The following MAP9 variants were observed in gnomAD, a reference collection of about 807,000 sequenced individuals.
MAP9 encodes microtubule associated protein 9, also known as microtubule-associated protein 9.
MAP9 carries 80 observed loss-of-function variants against 75.2 expected under a neutral mutation model. That is an observed-to-expected ratio of 1.06 (90% CI 0.89 to 1.28). MAP9 has a LOEUF of 1.28. MAP9 is among the 50% of genes most tolerant of loss of function. MAP9 has a pLI of 0.00. For synonymous variants in MAP9, 235 were observed against 237.3 expected (o/e 0.99, Z 0.09); for missense variants, 753 against 719.9 (o/e 1.05, Z -0.53).
At position 155,355,720 on chromosome 4, in the gene MAP9, T is replaced by TA. The variant is rs1423051868; in HGVS notation, c.1285dup (p.Tyr429LeufsTer14). On this transcript the variant is annotated frameshift_variant, in exon 9 of 14. Transcript: ENST00000311277. LOFTEE classifies it high-confidence loss of function. ...AAAAATATTTTCCTTTTTTACCTGA[T>TA]AAACAGCTGCCCTTATGTTATCTGC... 1.2e-6 allele frequency: 2 copies of TA among 1,603,486 alleles called. No individual in the cohort carries two copies. Among genetic ancestry groups the TA allele is most frequent in the Non-Finnish European group, 1.7e-6 (2 of 1,177,152 alleles).
chr4:155,355,215 A>G (rs1417394330), intron 9 of MAP9, 55 bp from the exon 10 acceptor site: 1 of 551,392 alleles, frequency 1.8e-6, no homozygotes, highest in African/African-American at 2.0e-5. Context: ...AGTGAATTAG[A>G]ATTCTTTATA....
chr4:155,365,942 C>T (rs945960568), intron 5 of MAP9, among the ~76,000 whole-genome samples: 3 of 151,708 alleles, frequency 2.0e-5, no homozygotes, highest in Admixed American at 6.6e-5. Context: ...ATCAAAAAAT[C>T]GGGGCCACTA....
chr4:155,369,233 G>C (rs999109876), intron 4 of MAP9, among the ~76,000 whole-genome samples: 2 of 151,334 alleles, frequency 1.3e-5, no homozygotes, highest in African/African-American at 4.9e-5. Flanking sequence ...TGAGGCAGGA[G>C]GATTGCTTGA....
chr4:155,362,270 G>A (rs1732123825), intron 5 of MAP9, 129 bp from the exon 6 acceptor site: 2 of 602,880 alleles, frequency 3.3e-6, no homozygotes, highest in South Asian at 5.5e-5. Flanking sequence ...TTAGGCATTT[G>A]TTGCTGAAAC....
chr4:155,375,884 C>T lies in MAP9; in HGVS notation c.-34G>A, dbSNP rs1560820783. On this transcript the variant is annotated 5_prime_UTR_variant, in exon 2 of 14. Transcript: ENST00000311277. Reference sequence around the variant, plus strand: ...TTTTCTCGTTACCTTTATAAAATAGCTAATTATTAGAATTCAACTTCTGAT... The same window carrying T: ...TTTTCTCGTTACCTTTATAAAATAGTTAATTATTAGAATTCAACTTCTGAT... 1 of 1,411,016 alleles carries T rather than the reference C, an allele frequency of 7.1e-7. No individual in the cohort carries two copies. The highest frequency in any genetic ancestry group is 1.4e-5 in the African/African-American group (1 of 69,896). The allele number at this position is 1,411,016 out of a possible 1,614,324, so 87.4% of individuals were successfully genotyped here.
intron 5 of MAP9, among the ~76,000 whole-genome samples, chr4:155,365,886 G>A (rs1283299430): frequency 1.3e-5 from 2 of 151,444 alleles, no homozygotes; most frequent in Non-Finnish European, 2.9e-5. Flanking sequence ...GATCACAAGG[G>A]AAGTTAAAAT....
Position 155,346,338 on chromosome 4 carries a change from C to T in MAP9, c.*1445G>A, listed in dbSNP as rs1731285606. 1 of 152,180 alleles carries T rather than the reference C, an allele frequency of 6.6e-6. No individual in the cohort carries two copies. Among genetic ancestry groups the T allele is most frequent in the African/African-American group, 2.4e-5 (1 of 41,452 alleles). 9.4% of individuals were successfully genotyped at this position (152,180 alleles called of 1,614,324 possible). ...CATCTCTAAGAACAAGCAGCTATTT[C>T]TGTAGAGAAAGATCATCTTTGGATA... On this transcript the variant is annotated 3_prime_UTR_variant, in exon 14 of 14. Coordinates refer to ENST00000311277, the MANE Select transcript of MAP9 (RefSeq NM_001039580.2).
At chr4:155,361,960 T>C in intron 6 of MAP9, 88 bp downstream of exon 6, 1 of 786,932 alleles carries the variant, frequency 1.3e-6, no homozygotes, top group South Asian at 1.8e-5. Context: ...ATTTCTCTTA[T>C]AACTATACAA....
chr4:155,372,829 G>T (rs1732660999), intron 4 of MAP9, among the ~76,000 whole-genome samples: 1 of 152,156 alleles, frequency 6.6e-6, no homozygotes, highest in Non-Finnish European at 1.5e-5. Flanking sequence ...ACAGGTCTAG[G>T]TGTCTGGAGA....
intron 5 of MAP9, 72 bp downstream of exon 5, chr4:155,368,511 CCTT>C (rs760143410): frequency 2.0e-5 from 24 of 1,200,052 alleles, no homozygotes; most frequent in Middle Eastern, 3.8e-4. Flanking sequence ...TTCATTCTCT[CCTT>C]CTCTTTTTCA....
intron 2 of MAP9, among the ~76,000 whole-genome samples, chr4:155,375,556 A>C (rs1250877115): frequency 6.6e-6 from 1 of 152,196 alleles, no homozygotes; most frequent in Non-Finnish European, 1.5e-5. Context: ...TTCAACTTTT[A>C]ACTTAGTAGG....
rs1331197801 is a variant in MAP9, at chr4:155,347,011, C to G, written c.*772G>C. ...GGAAAATAATTATAGTGATAATGACCTTGAACTCCTGTGGAATTTCCATAA... is the reference window on the plus strand; with the variant it reads ...GGAAAATAATTATAGTGATAATGACGTTGAACTCCTGTGGAATTTCCATAA... On this transcript the variant is annotated 3_prime_UTR_variant, in exon 14 of 14. Coordinates refer to ENST00000311277, the MANE Select transcript of MAP9 (RefSeq NM_001039580.2). The G allele has an allele frequency of 6.6e-6, 1 of 152,098 alleles. No homozygotes were observed. The allele number at this position is 152,098 out of a possible 1,614,324, so 9.4% of individuals were successfully genotyped here. A position where few individuals can be genotyped will look rare whatever the true frequency, so the allele number is the denominator to read the frequency against.
intron 5 of MAP9, among the ~76,000 whole-genome samples, chr4:155,365,888 A>G (rs546835987): frequency 1.3e-5 from 2 of 152,116 alleles, no homozygotes; most frequent in East Asian, 3.9e-4. Context: ...TCACAAGGGA[A>G]GTTAAAATAT....
intron 11 of MAP9, 34 bp from the exon 12 acceptor site, chr4:155,353,091 A>C (rs772257208): frequency 6.5e-7 from 1 of 1,533,352 alleles, no homozygotes; most frequent in Non-Finnish European, 8.8e-7. Context: ...CTTACTGTGA[A>C]TATTTGAAAA....
rs543644823 is a variant in MAP9, at chr4:155,346,467, G to A, written c.*1316C>T. 4 of 152,276 alleles carry A rather than the reference G, an allele frequency of 2.6e-5. No homozygotes were observed. Among genetic ancestry groups the A allele is most frequent in the Non-Finnish European group, 4.4e-5 (3 of 68,026 alleles). 9.4% of individuals were successfully genotyped at this position (152,276 alleles called of 1,614,324 possible). A position where few individuals can be genotyped will look rare whatever the true frequency, so the allele number is the denominator to read the frequency against. ...GCAGTCTCTGAGGCTACAGAGAAGT[G>A]TGAAAAAGAGCATAGAGATTTCAGA... On this transcript the variant is annotated 3_prime_UTR_variant, in exon 14 of 14. Coordinates refer to ENST00000311277, the MANE Select transcript of MAP9 (RefSeq NM_001039580.2).
chr4:155,353,724 G>A (rs1329834028), intron 10 of MAP9, among the ~76,000 whole-genome samples: 1 of 151,934 alleles, frequency 6.6e-6, no homozygotes, highest in Non-Finnish European at 1.5e-5. Flanking sequence ...TAAAGTTATG[G>A]GCTTATAAAG....
intron 4 of MAP9, among the ~76,000 whole-genome samples, chr4:155,369,171 A>T (rs1732475126): frequency 6.6e-6 from 1 of 151,944 alleles, no homozygotes; most frequent in Non-Finnish European, 1.5e-5. Flanking sequence ...AAATACAAAA[A>T]AATTAGCCGG....
In MAP9 at chr4:155,368,797, A is replaced by C; in HGVS notation, c.497T>G (p.Leu166Arg). The change falls in exon 5 of 14, where the codon CTT becomes CGT. Residue 166 changes from leucine (L) to arginine (R), a missense_variant. Physicochemically the swap from Leu to Arg is moderately radical, Grantham distance 102. Coordinates refer to ENST00000311277, the MANE Select transcript of MAP9 (RefSeq NM_001039580.2). ...TGGTTTAAAGTGATCATCTGTGTCA[A>C]GGCTGTTGTTTTCTGCTGAAAAATA... ...KSTSSAENNS[L>R]DTDDHFKPSP... The C allele has an allele frequency of 6.2e-7, 1 of 1,604,884 alleles. No individual in the cohort carries two copies. The highest frequency in any genetic ancestry group is 8.5e-7 in the Non-Finnish European group (1 of 1,176,538).
Position 155,353,356 on chromosome 4 carries a change from T to A in MAP9, c.1381-16A>T. Reference sequence around the variant, plus strand: ...CAGCTTTTTTCTACAGTGGAAAAAATAATAGAGTGATATACATATATATGT... The same window carrying A: ...CAGCTTTTTTCTACAGTGGAAAAAAAAATAGAGTGATATACATATATATGT... On this transcript the variant is annotated splice_polypyrimidine_tract_variant and intron_variant, in intron 10 of 13. Coordinates refer to ENST00000311277, the MANE Select transcript of MAP9 (RefSeq NM_001039580.2). 1 of 1,549,114 alleles carries A rather than the reference T, an allele frequency of 6.5e-7. No individual in the cohort carries two copies. Among genetic ancestry groups the A allele is most frequent in the Non-Finnish European group, 8.6e-7 (1 of 1,158,858 alleles).
Sources: allele counts gnomAD v4.1 joint callset (sites outside exome capture counted in the v4.1 genomes callset), GRCh38; gene constraint gnomAD v4.1.1; transcripts MANE v1.5; gene names NCBI Gene and HGNC (gene_info 2026-07-23, HGNC 2026-07-21).